Variants in HS1BP3 observed in about 807,000 individuals in gnomAD.
HS1BP3 encodes the protein HCLS1-binding protein 3.
HS1BP3 carries 32 observed loss-of-function variants against 33.5 expected under a neutral mutation model. That is an observed-to-expected ratio of 0.95 (90% confidence interval 0.72 to 1.28). The LOEUF (loss-of-function observed/expected upper bound fraction) is 1.28. Among genes scored for constraint, HS1BP3 ranks in the 50% most tolerant of loss-of-function variants. The pLI is 0.00. For synonymous variants in HS1BP3, 187 were observed against 209.2 expected, an observed-to-expected ratio of 0.89 and a Z score of 0.92; for missense variants, 486 against 502.3, an observed-to-expected ratio of 0.97 and a Z score of 0.31.
chr2:20,582,068 ATTACAT>A (rs894889006), intron 5 of HS1BP3, among the ~76,000 whole-genome samples: 5 of 152,238 alleles, frequency 3.3e-5, no homozygotes, highest in African/African-American at 1.2e-4. Flanking sequence ...TGGGGCCTCA[ATTACAT>A]TTGCAAAATC....
intron 5 of HS1BP3, among the ~76,000 whole-genome samples, chr2:20,576,451 G>A (rs558014458): frequency 5.9e-5 from 9 of 152,126 alleles, no homozygotes; most frequent in Non-Finnish European, 1.3e-4. Context: ...CAGGCGTCCC[G>A]TTTTCCATGC....
rs138926852 is a variant in HS1BP3, at chr2:20,612,522, T to C, written c.178+11374A>G. Among the ~76,000 whole-genome samples the C allele has an allele frequency of 8.5e-5, 13 of 152,340 alleles. No individual in the cohort carries two copies. The East Asian group carries it at 1.9e-3, about 23-fold the overall frequency. The stretch of plus-strand genomic sequence containing the variant: ...AAGCAACCATTAATCTTTCTGTCTC[T>C]GTAGATTTGTCCTGGAAATTTCCTA... On this transcript the variant is annotated intron_variant, in intron 2 of 3. Coordinates refer to the HS1BP3 transcript ENST00000415264.
At chr2:20,600,576 A>G (rs1233723030) in intron 2 of HS1BP3, among the ~76,000 whole-genome samples, 1 of 152,216 alleles carries the variant, frequency 6.6e-6, no homozygotes, top group African/African-American at 2.4e-5. Context: ...CAGACCAACC[A>G]TAAAATAGCA....
chr2:20,645,992 TGTGACCCACC>T (rs1288715523), intron 1 of HS1BP3, among the ~76,000 whole-genome samples: 1 of 152,186 alleles, frequency 6.6e-6, no homozygotes, highest in Admixed American at 6.5e-5. Flanking sequence ...GCAGGACCCT[TGTGACCCACC>T]GTGGCCCAGA....
At chr2:20,554,880 T>C in the HS1BP3 span, among the ~76,000 whole-genome samples, 11,536 of 152,160 alleles carry the variant, frequency 0.076, 1,418 homozygotes, top group African/African-American at 0.26. Context: ...ACCCCCTACT[T>C]AAAACCCACT....
intron 3 of HS1BP3, among the ~76,000 whole-genome samples, chr2:20,593,132 G>C (rs528589856): frequency 6.6e-6 from 1 of 151,394 alleles, no homozygotes. Flanking sequence ...CAGGGCCTTG[G>C]CAGATGCTGG....
In HS1BP3 at chr2:20,607,248, C is replaced by G. The variant is rs368319908; in HGVS notation, c.179-8983G>C. Reference sequence around the variant, plus strand: ...TCAGCTCACTGCAACCTCCACCTCCCAGGTTCAAGCAATTCTCCTGCCTTG... The same window carrying G: ...TCAGCTCACTGCAACCTCCACCTCCGAGGTTCAAGCAATTCTCCTGCCTTG... On this transcript the variant is annotated intron_variant, in intron 2 of 3. Transcript: ENST00000415264. Among the ~76,000 whole-genome samples, 657 of 152,142 alleles carry G rather than the reference C, an allele frequency of 4.3e-3. 4 individuals carry two copies. Among genetic ancestry groups the G allele is most frequent in the Middle Eastern group, 0.024 (7 of 294 alleles).
chr2:20,613,238 C>T (rs1477674778), downstream of HS1BP3, among the ~76,000 whole-genome samples: 1 of 152,360 alleles, frequency 6.6e-6, no homozygotes, highest in East Asian at 1.9e-4. Context: ...ACTGTGGAGA[C>T]GTCAAGGGCG....
chr2:20,586,311 C>A (rs1693684373), intron 5 of HS1BP3: 2 of 152,214 alleles, frequency 1.3e-5, no homozygotes, highest in Admixed American at 1.3e-4. Flanking sequence ...CAGAGCACAG[C>A]CACCTTGAAG....
chr2:20,624,625 A>G (rs1694712469), intron 5 of HS1BP3, 107 bp downstream of exon 5: 2 of 1,026,580 alleles, frequency 1.9e-6, no homozygotes, highest in Non-Finnish European at 1.4e-6. Context: ...TAAACAGGAC[A>G]GGGGAGATAT....
intron 4 of HS1BP3, chr2:20,634,925 G>A (rs2149298068): frequency 6.6e-6 from 1 of 152,308 alleles, no homozygotes. Context: ...TTGCAGGCAG[G>A]TGCATTTGTT....
chr2:20,618,897 G>A lies in HS1BP3; in HGVS notation c.*90C>T, dbSNP rs1694504110. The A allele has an allele frequency of 6.7e-7, 1 of 1,483,346 alleles. No homozygotes were observed. The allele number at this position is 1,483,346 out of a possible 1,614,324, so 91.9% of individuals were successfully genotyped here. The stretch of plus-strand genomic sequence containing the variant: ...CTGCCTGGCCTCCCCTGGGGGTGGG[G>A]AGGTTCTGACCCTGCAGGGCCCAGT... On this transcript the variant is annotated 3_prime_UTR_variant, in exon 7 of 7. Transcript: ENST00000304031.
At chr2:20,650,985 C>T (rs971540327) in intron 1 of HS1BP3, 47 bp downstream of exon 1, 17 of 1,230,278 alleles carry the variant, frequency 1.4e-5, no homozygotes, top group African/African-American at 9.3e-5. Context: ...CGCCCGGGCG[C>T]CCCGGACTGC....
In HS1BP3 at chr2:20,624,820, G is replaced by A. The variant is rs376195521; in HGVS notation, c.696C>T (p.Asp232=). The A allele has an allele frequency of 2.4e-5, 38 of 1,613,824 alleles. No homozygotes were observed. Among genetic ancestry groups the A allele is most frequent in the African/African-American group, 1.1e-4 (8 of 75,066 alleles). ...GCCCCTCATCAGGGTCCACCTCCTC[G>A]TCAAAGATGGTGAGCCGGGGCGAGG... ...AKPSPRLTIF[D]EEVDPDEGLF... Residue 232 remains aspartate (D), a synonymous_variant, in exon 5 of 7, where the codon GAC becomes GAT. Transcript: ENST00000304031.
chr2:20,585,306 C>T (rs957100285), intron 5 of HS1BP3, among the ~76,000 whole-genome samples: 1 of 152,192 alleles, frequency 6.6e-6, no homozygotes, highest in African/African-American at 2.4e-5. Flanking sequence ...CATAGTGTGG[C>T]CATATGCCCC....
chr2:20,613,496 G>GAGGA (rs747210711), downstream of HS1BP3, among the ~76,000 whole-genome samples: 174 of 152,202 alleles, frequency 1.1e-3, 1 homozygote, highest in Non-Finnish European at 2.0e-3. Flanking sequence ...GGCACTGCTG[G>GAGGA]AGGAAGGAAG....
intron 3 of HS1BP3, among the ~76,000 whole-genome samples, chr2:20,594,109 T>A (rs1693890328): frequency 6.6e-6 from 1 of 152,212 alleles, no homozygotes; most frequent in South Asian, 2.1e-4. Flanking sequence ...ATAGCTTGCA[T>A]CTTACACATT....
intron 3 of HS1BP3, among the ~76,000 whole-genome samples, chr2:20,594,673 C>A (rs1693904632): frequency 6.6e-6 from 1 of 152,178 alleles, no homozygotes; most frequent in Non-Finnish European, 1.5e-5. Flanking sequence ...CTATCTCAAT[C>A]CATTCAGGCT....
At chr2:20,637,705 T>G (rs538225406) in intron 4 of HS1BP3, 1 of 152,238 alleles carries the variant, frequency 6.6e-6, no homozygotes, top group African/African-American at 2.4e-5. Flanking sequence ...TAATTTCTAC[T>G]GGGCTCTAAT....
Sources: allele counts gnomAD v4.1 joint callset (sites outside exome capture counted in the v4.1 genomes callset), GRCh38; gene constraint gnomAD v4.1.1; transcripts MANE v1.5; gene names NCBI Gene and HGNC (gene_info 2026-07-23, HGNC 2026-07-21).